PROS1: variants seen among roughly 807,000 people sequenced by gnomAD.
PROS1 encodes vitamin K-dependent protein S.
Under a neutral mutation model 75.9 loss-of-function variants are expected in PROS1, and 29 were observed. That is an observed-to-expected ratio of 0.38 (90% CI 0.28 to 0.52). The LOEUF is 0.52. Among genes scored for constraint, PROS1 ranks in the 20% least tolerant of loss-of-function variants. PROS1 has a pLI of 0.83. For synonymous variants in PROS1, 245 were observed against 280.6 expected, an observed-to-expected ratio of 0.87 and a Z score of 1.27; for missense variants, 680 against 810.3, an observed-to-expected ratio of 0.84 and a Z score of 1.95.
intron 1 of PROS1, chr3:93,928,931 AAAGAATGAT>A (rs1344716728): frequency 6.5e-6 from 2 of 307,672 alleles, no homozygotes; most frequent in African/African-American, 4.4e-5. Flanking sequence ...CAAAACTTTA[AAAGAATGAT>A]AATATCAATT....
At chr3:93,937,820 C>G (rs1203280813) in intron 1 of PROS1, among the ~76,000 whole-genome samples, 1 of 152,128 alleles carries the variant, frequency 6.6e-6, no homozygotes, top group Non-Finnish European at 1.5e-5. Flanking sequence ...GAGAGGGTCT[C>G]TCTCTTCCCT....
At chr3:93,882,483 T>C (rs112167263) in intron 12 of PROS1, among the ~76,000 whole-genome samples, 55 of 152,200 alleles carry the variant, frequency 3.6e-4, no homozygotes, top group African/African-American at 1.3e-3. Flanking sequence ...CTTGAAACTA[T>C]CAAAGAGCTG....
At chr3:93,962,021 A>G (rs1709712924) in intron 1 of PROS1, among the ~76,000 whole-genome samples, 1 of 152,158 alleles carries the variant, frequency 6.6e-6, no homozygotes, top group Non-Finnish European at 1.5e-5. Context: ...CCTGTGAAAA[A>G]CGATTATTGG....
chr3:93,917,283 T>C (rs1353378906), intron 3 of PROS1, among the ~76,000 whole-genome samples: 1 of 152,076 alleles, frequency 6.6e-6, no homozygotes, highest in African/African-American at 2.4e-5. Flanking sequence ...TTTTGTTTGT[T>C]TGTTTTGTTT....
Position 93,933,838 on chromosome 3 carries a change from G to T in PROS1, c.77-6431C>A, listed in dbSNP as rs181706555. Among the ~76,000 whole-genome samples the T allele has an allele frequency of 3.4e-3, 514 of 151,586 alleles. 4 individuals are homozygous for T. The highest frequency in any genetic ancestry group is 3.7e-3 in the Non-Finnish European group (252 of 67,852). On this transcript the variant is annotated intron_variant, in intron 1 of 14. Transcript: ENST00000394236. ...AGCCTGGCCAATATGGTGAAACCCCGTCTCTACTAAAAATACAAAAATTAG... is the reference window on the plus strand; with the variant it reads ...AGCCTGGCCAATATGGTGAAACCCCTTCTCTACTAAAAATACAAAAATTAG...
chr3:93,952,054 C>A (rs1709507675), intron 1 of PROS1, among the ~76,000 whole-genome samples: 1 of 152,134 alleles, frequency 6.6e-6, no homozygotes, highest in Non-Finnish European at 1.5e-5. Context: ...TATATGCACC[C>A]AATACAGGAG....
chr3:93,874,506 T>C, intron 14 of PROS1, 101 bp from the exon 15 acceptor site: 1 of 1,482,968 alleles, frequency 6.7e-7, no homozygotes. Flanking sequence ...AACCAAATTC[T>C]AATCCTAAAG....
intron 2 of PROS1, among the ~76,000 whole-genome samples, chr3:93,925,836 A>AT (rs1709008617): frequency 6.6e-6 from 1 of 151,390 alleles, no homozygotes; most frequent in South Asian, 2.1e-4. Context: ...AAAAAAAAAA[A>AT]AAAAGTAACT....
chr3:93,883,252 C>T (rs1466167384), intron 12 of PROS1, among the ~76,000 whole-genome samples: 1 of 152,096 alleles, frequency 6.6e-6, no homozygotes, highest in Non-Finnish European at 1.5e-5. Context: ...GTGGGAGAGA[C>T]ATTTTCTTGA....
At chr3:93,897,974 A>C (rs776945193) in intron 8 of PROS1, among the ~76,000 whole-genome samples, 27 of 152,090 alleles carry the variant, frequency 1.8e-4, no homozygotes, top group Non-Finnish European at 1.5e-5. Flanking sequence ...TTAAAAGGGT[A>C]CATTAAAACT....
chr3:93,919,359 G>A (rs1708909474), intron 3 of PROS1, among the ~76,000 whole-genome samples: 1 of 151,364 alleles, frequency 6.6e-6, no homozygotes, highest in South Asian at 2.1e-4. Flanking sequence ...CTAAGGAGAG[G>A]CAGCATATTT....
At chr3:93,933,369 G>A (rs957268121) in intron 1 of PROS1, among the ~76,000 whole-genome samples, 2 of 152,186 alleles carry the variant, frequency 1.3e-5, no homozygotes, top group African/African-American at 2.4e-5. Flanking sequence ...AAACCCAAGA[G>A]TTTGAAACCA....
chr3:93,944,082 C>A (rs1299641226), intron 1 of PROS1, among the ~76,000 whole-genome samples: 3 of 152,124 alleles, frequency 2.0e-5, no homozygotes, highest in Admixed American at 2.0e-4. Context: ...GTAAAATAAT[C>A]AGACTGGGCC....
intron 1 of PROS1, among the ~76,000 whole-genome samples, chr3:93,968,887 C>T (rs556780112): frequency 1.5e-4 from 23 of 152,090 alleles, no homozygotes; most frequent in Non-Finnish European, 2.6e-4. Flanking sequence ...AATGGATGGA[C>T]CACCCACAGG....
intron 10 of PROS1, among the ~76,000 whole-genome samples, chr3:93,892,632 A>C (rs1419783984): frequency 6.6e-6 from 1 of 152,144 alleles, no homozygotes; most frequent in Non-Finnish European, 1.5e-5. Context: ...CTCAAAAAAA[A>C]AAAAAAATGT....
At chr3:93,899,650 G>A (rs1708556711) in intron 7 of PROS1, among the ~76,000 whole-genome samples, 1 of 152,108 alleles carries the variant, frequency 6.6e-6, no homozygotes, top group African/African-American at 2.4e-5. Context: ...ATTGCAAAAG[G>A]AGATGATAGG....
intron 1 of PROS1, among the ~76,000 whole-genome samples, chr3:93,930,311 T>A (rs1456264360): frequency 6.6e-6 from 1 of 152,228 alleles, no homozygotes; most frequent in East Asian, 1.9e-4. Flanking sequence ...TGGGCAATTA[T>A]CTCATTTATT....
chr3:93,877,060 T>C lies in PROS1; in HGVS notation c.1776A>G (p.Ile592Met), dbSNP rs1708200700. The C allele has an allele frequency of 6.2e-7, 1 of 1,613,868 alleles. No homozygotes were observed. The highest frequency in any genetic ancestry group is 1.1e-5 in the South Asian group (1 of 91,088). Residue 592 changes from isoleucine (I) to methionine (M), a missense_variant, in exon 14 of 15, where the codon ATA becomes ATG. Ile to Met is a conservative substitution (Grantham distance 10, BLOSUM62 1). Transcript: ENST00000394236. ...GAAGGTCTTCATGGGAGATGGTTTC[T>C]ATTTTAAGTGGTGTCGACAACTCCA... is the stretch of plus-strand genomic sequence containing the variant. ...NNLELSTPLK[I>M]ETISHEDLQR...
Position 93,973,833 on chromosome 3 carries a change from T to A in PROS1, c.-84A>T. The A allele has an allele frequency of 8.1e-7, 1 of 1,241,288 alleles. No individual in the cohort carries two copies. Among genetic ancestry groups the A allele is most frequent in the South Asian group, 1.5e-5 (1 of 68,724 alleles). The allele number at this position is 1,241,288 out of a possible 1,614,324, so 76.9% of individuals were successfully genotyped here. A position where few individuals can be genotyped will look rare whatever the true frequency, so the allele number is the denominator to read the frequency against. ...GCTAGGCGCCGCGGAGCTGCGAGCCTGTGCGCCTCGGTCTGAGCCGTGCTG... is the reference window on the plus strand; with the variant it reads ...GCTAGGCGCCGCGGAGCTGCGAGCCAGTGCGCCTCGGTCTGAGCCGTGCTG... On this transcript the variant is annotated 5_prime_UTR_variant, in exon 1 of 15. Coordinates refer to ENST00000394236, the MANE Select transcript of PROS1 (RefSeq NM_000313.4).
Sources: allele counts gnomAD v4.1 joint callset (sites outside exome capture counted in the v4.1 genomes callset), GRCh38; gene constraint gnomAD v4.1.1; transcripts MANE v1.5; gene names NCBI Gene and HGNC (gene_info 2026-07-23, HGNC 2026-07-21).